The following CPB1 variants were observed in gnomAD, a reference collection of about 807,000 sequenced individuals.
CPB1 encodes carboxypeptidase B1.
A neutral mutation model predicts 51.4 loss-of-function variants in CPB1; 53 were observed. That is an observed-to-expected ratio of 1.03 (90% CI 0.83 to 1.30). The LOEUF (loss-of-function observed/expected upper bound fraction) is 1.30, where lower values mean the gene tolerates loss of function less well. Among genes scored for constraint, CPB1 ranks in the 50% most tolerant of loss-of-function variants. The pLI is 0.00. For missense variants in CPB1, 494 were observed against 516.2 expected, an observed-to-expected ratio of 0.96 and a Z score of 0.42; for synonymous variants, 189 against 186.9, an observed-to-expected ratio of 1.01 and a Z score of -0.09.
chr3:148,829,247 C>A (rs985095653), intron 2 of CPB1, among the ~76,000 whole-genome samples: 4 of 152,160 alleles, frequency 2.6e-5, no homozygotes, highest in African/African-American at 9.7e-5. Context: ...CTAGATACAG[C>A]TCAGTCTTTC....
intron 10 of CPB1, among the ~76,000 whole-genome samples, chr3:148,858,667 C>A (rs1402124670): frequency 6.6e-6 from 1 of 152,042 alleles, no homozygotes; most frequent in Non-Finnish European, 1.5e-5. Context: ...AGGTAGACAC[C>A]AGTCCCTCTA....
chr3:148,849,399 T>C (rs1713358141), intron 9 of CPB1, among the ~76,000 whole-genome samples: 1 of 152,190 alleles, frequency 6.6e-6, no homozygotes, highest in Admixed American at 6.5e-5. Flanking sequence ...TGAATTTAGA[T>C]TTCCAAAATT....
intron 9 of CPB1, chr3:148,857,218 A>G (rs1453601851): frequency 3.0e-5 from 11 of 361,296 alleles, no homozygotes; most frequent in Non-Finnish European, 5.1e-5. Flanking sequence ...ACAAGACAAG[A>G]TAAATAGAGG....
At chr3:148,843,359 CT>C (rs1713145948) in intron 6 of CPB1, among the ~76,000 whole-genome samples, 1 of 151,852 alleles carries the variant, frequency 6.6e-6, no homozygotes, top group African/African-American at 2.4e-5. Context: ...CATTGAAGTG[CT>C]TTAAATATAT....
chr3:148,858,544 C>T (rs1274453956), intron 10 of CPB1, among the ~76,000 whole-genome samples: 2 of 151,914 alleles, frequency 1.3e-5, no homozygotes, highest in Non-Finnish European at 2.9e-5. Flanking sequence ...TGCACTCTAG[C>T]CTGGGCGACG....
At chr3:148,828,462 A>G (rs1048768560) in intron 2 of CPB1, among the ~76,000 whole-genome samples, 1 of 152,226 alleles carries the variant, frequency 6.6e-6, no homozygotes, top group Non-Finnish European at 1.5e-5. Context: ...CATCCCATGT[A>G]TCATCTGTCC....
intron 2 of CPB1, among the ~76,000 whole-genome samples, chr3:148,830,475 T>A (rs544412909): frequency 6.6e-6 from 1 of 152,160 alleles, no homozygotes; most frequent in Non-Finnish European, 1.5e-5. Flanking sequence ...ACTATTTACA[T>A]AGGAGATTGT....
chr3:148,837,944 A>G (rs1712954012), intron 3 of CPB1, among the ~76,000 whole-genome samples: 1 of 152,126 alleles, frequency 6.6e-6, no homozygotes, highest in Admixed American at 6.6e-5. Context: ...ACAGTCACTG[A>G]TCCTCCTAAA....
chr3:148,843,497 T>A (rs1000861997), intron 6 of CPB1, among the ~76,000 whole-genome samples: 1 of 152,132 alleles, frequency 6.6e-6, no homozygotes, highest in South Asian at 2.1e-4. Context: ...TAGCTCACCA[T>A]CTGCCTTTCA....
intron 6 of CPB1, 139 bp from the exon 7 acceptor site, chr3:148,844,338 CT>C (rs1205874028): frequency 5.5e-6 from 3 of 545,200 alleles, no homozygotes; most frequent in Non-Finnish European, 9.6e-6. Context: ...TTGCTGATTG[CT>C]TTTTAAATAT....
chr3:148,833,438 C>T (rs1712798204), intron 2 of CPB1, among the ~76,000 whole-genome samples: 2 of 152,142 alleles, frequency 1.3e-5, no homozygotes, highest in Non-Finnish European at 2.9e-5. Context: ...TACAGTATTA[C>T]CTTGTCAGTT....
chr3:148,834,470 T>C (rs1362424512), intron 2 of CPB1, 28 bp from the exon 3 acceptor site: 1 of 1,600,678 alleles, frequency 6.2e-7, no homozygotes, highest in Non-Finnish European at 8.6e-7. Context: ...GAATTATAGG[T>C]ATCCAATATA....
At position 148,840,770 on chromosome 3, in the gene CPB1, C is replaced by T. The variant is rs780909538; in HGVS notation, c.357C>T (p.Tyr119=). ...VRATGHSYEK[Y]NKWETIEAWT... ...CAACAGGACACAGTTATGAGAAGTA[C>T]AACAAGTGGGAAACGGTATGATGTG... is the stretch of plus-strand genomic sequence containing the variant. Residue 119 remains tyrosine, a synonymous_variant, in exon 4 of 11, where the codon TAC becomes TAT. Coordinates refer to ENST00000282957, the MANE Select transcript of CPB1 (RefSeq NM_001871.3). 2 of 1,613,934 alleles carry T rather than the reference C, an allele frequency of 1.2e-6. No individual in the cohort carries two copies. Among genetic ancestry groups the T allele is most frequent in the Admixed American group, 3.3e-5 (2 of 59,994 alleles).
At chr3:148,853,939 AT>A (rs1182812650) in intron 9 of CPB1, among the ~76,000 whole-genome samples, 1 of 152,146 alleles carries the variant, frequency 6.6e-6, no homozygotes, top group Non-Finnish European at 1.5e-5. Flanking sequence ...GTTAGTTCTG[AT>A]TTTGAATCCA....
intron 2 of CPB1, among the ~76,000 whole-genome samples, chr3:148,831,405 A>G (rs1313252568): frequency 6.6e-6 from 1 of 152,242 alleles, no homozygotes; most frequent in African/African-American, 2.4e-5. Flanking sequence ...TTTCACCAAG[A>G]TAAATGAAAA....
intron 2 of CPB1, among the ~76,000 whole-genome samples, chr3:148,833,677 C>G (rs1023497893): frequency 4.6e-5 from 7 of 151,960 alleles, no homozygotes; most frequent in African/African-American, 1.5e-4. Flanking sequence ...CTACAAGACA[C>G]AGTATGTTTT....
chr3:148,845,777 G>A lies in CPB1; in HGVS notation c.981+151G>A. The A allele has an allele frequency of 6.3e-6, 4 of 635,712 alleles. No individual in the cohort carries two copies. In the South Asian group the frequency reaches 9.0e-5, roughly 14 times the overall value. The allele number at this position is 635,712 out of a possible 1,614,324, so 39.4% of individuals were successfully genotyped here. A position where few individuals can be genotyped will look rare whatever the true frequency, so the allele number is the denominator to read the frequency against. On this transcript the variant is annotated intron_variant, in intron 9 of 10. Coordinates refer to ENST00000282957, the MANE Select transcript of CPB1 (RefSeq NM_001871.3). ...TGAAAAACTTATTACAGATTTATAA[G>A]GAATCTGGAGTTGGCTAAAAGAAAT...
At chr3:148,843,368 TATA>T (rs1452825464) in intron 6 of CPB1, among the ~76,000 whole-genome samples, 2 of 152,086 alleles carry the variant, frequency 1.3e-5, no homozygotes, top group East Asian at 1.9e-4. Context: ...GCTTTAAATA[TATA>T]ATAATATTAT....
intron 9 of CPB1, chr3:148,851,103 G>T (rs1370064032): frequency 6.6e-6 from 1 of 152,216 alleles, no homozygotes; most frequent in Non-Finnish European, 1.5e-5. Flanking sequence ...GGAGGCCGAG[G>T]CAGGAGGATC....
Sources: allele counts gnomAD v4.1 joint callset (sites outside exome capture counted in the v4.1 genomes callset), GRCh38; gene constraint gnomAD v4.1.1; transcripts MANE v1.5; gene names NCBI Gene and HGNC (gene_info 2026-07-23, HGNC 2026-07-21).